The following ARL15 variants were observed in gnomAD, a reference collection of about 807,000 sequenced individuals.
ARL15 encodes ADP-ribosylation factor-like protein 15.
ARL15 carries 19 observed loss-of-function variants against 25.2 expected under a neutral mutation model. The ratio of observed to expected loss-of-function variants is 0.75; its 90% CI spans 0.53 to 1.10. ARL15 has a LOEUF of 1.10. Ranked by LOEUF, ARL15 falls within the 50% of genes least tolerant of loss-of-function variation. The pLI, the probability that ARL15 is intolerant of heterozygous loss-of-function variation, is 0.00. For missense variants in ARL15, 220 were observed against 246.0 expected (o/e 0.89, Z 0.71); for synonymous variants, 94 against 86.8 (o/e 1.08, Z -0.46).
rs1751625747 is a variant in ARL15, at chr5:54,076,826, A to ATGTCTTCC, written c.462+36375_462+36376insGGAAGACA. ...TAATCCCCCAAACTATGTAGAAAAC[A>ATGTCTTCC]TCCATGGAGGAAGACATCAGCGTTA... On this transcript the variant is annotated intron_variant, in intron 4 of 4. Coordinates refer to ENST00000504924, the MANE Select transcript of ARL15 (RefSeq NM_019087.3). Among the ~76,000 whole-genome samples, 6 of 152,090 alleles carry ATGTCTTCC rather than the reference A, an allele frequency of 3.9e-5. No homozygotes were observed. The East Asian group carries it at 1.2e-3, about 29-fold the overall frequency.
chr5:54,304,492 G>A (rs983837669), intron 1 of ARL15, among the ~76,000 whole-genome samples: 2 of 152,200 alleles, frequency 1.3e-5, no homozygotes, highest in African/African-American at 2.4e-5. Context: ...GCAAGCCCCT[G>A]GAGGGCATGA....
At chr5:54,049,260 T>A (rs995670832) in intron 4 of ARL15, among the ~76,000 whole-genome samples, 1 of 152,086 alleles carries the variant, frequency 6.6e-6, no homozygotes, top group Non-Finnish European at 1.5e-5. Flanking sequence ...AAAGACAGGA[T>A]CTTGCTCTGT....
intron 4 of ARL15, among the ~76,000 whole-genome samples, chr5:54,111,603 T>C (rs561084547): frequency 6.6e-6 from 1 of 152,236 alleles, no homozygotes; most frequent in African/African-American, 2.4e-5. Flanking sequence ...AAAATCTTTT[T>C]TCAGATATTG....
chr5:54,129,526 A>G (rs1753370301), intron 3 of ARL15, among the ~76,000 whole-genome samples: 1 of 152,216 alleles, frequency 6.6e-6, no homozygotes, highest in Admixed American at 6.5e-5. Flanking sequence ...AGAGATAATA[A>G]CTATGAAAGA....
chr5:54,058,500 G>A (rs1750958754), intron 4 of ARL15, among the ~76,000 whole-genome samples: 1 of 152,218 alleles, frequency 6.6e-6, no homozygotes, highest in Non-Finnish European at 1.5e-5. Context: ...CATGCAGTGT[G>A]ATAAACAGCA....
intron 4 of ARL15, among the ~76,000 whole-genome samples, chr5:54,063,063 C>T (rs1467258705): frequency 6.6e-6 from 1 of 152,146 alleles, no homozygotes; most frequent in East Asian, 1.9e-4. Context: ...AATCATTCTA[C>T]ATAACTTCAA....
chr5:54,196,222 C>G (rs1424827165), intron 1 of ARL15, among the ~76,000 whole-genome samples: 1 of 152,050 alleles, frequency 6.6e-6, no homozygotes, highest in Non-Finnish European at 1.5e-5. Context: ...CATAGATGAA[C>G]TTACTAAAGC....
rs534023986 is a variant in ARL15, at chr5:54,215,298, T to G, written c.49-43370A>C. ...AACTTTGGAGGCGTAAATCTTAATG[T>G]CAATGACAGGAAGGCTTTGGTGAAC... On this transcript the variant is annotated intron_variant, in intron 1 of 4. Transcript: ENST00000504924. Among the ~76,000 whole-genome samples the G allele has an allele frequency of 7.9e-5, 12 of 152,248 alleles. No homozygotes were observed. In the East Asian group the frequency reaches 2.3e-3, roughly 29 times the overall value.
intron 4 of ARL15, among the ~76,000 whole-genome samples, chr5:54,073,840 T>C (rs1211753495): frequency 1.3e-5 from 2 of 152,198 alleles, no homozygotes; most frequent in Admixed American, 6.5e-5. Context: ...GGTGGGAATG[T>C]AGCAGTACCT....
intron 1 of ARL15, among the ~76,000 whole-genome samples, chr5:54,297,741 T>C (rs1449991934): frequency 6.6e-6 from 1 of 152,190 alleles, no homozygotes; most frequent in Non-Finnish European, 1.5e-5. Context: ...CCATACAACA[T>C]TTATGGTTCA....
chr5:54,091,519 G>A (rs764145438), intron 4 of ARL15, among the ~76,000 whole-genome samples: 1 of 152,120 alleles, frequency 6.6e-6, no homozygotes, highest in Non-Finnish European at 1.5e-5. Context: ...GGTGGGGCAT[G>A]GGGAGGAGGA....
intron 4 of ARL15, among the ~76,000 whole-genome samples, chr5:54,049,603 G>T (rs76584256): frequency 0.057 from 8,598 of 149,764 alleles, 680 homozygotes; most frequent in African/African-American, 0.18. Flanking sequence ...AGGTTTTGTT[G>T]TTGTTGTTGT....
intron 4 of ARL15, among the ~76,000 whole-genome samples, chr5:53,972,993 A>G (rs1015143996): frequency 2.0e-5 from 3 of 152,188 alleles, no homozygotes; most frequent in Non-Finnish European, 4.4e-5. Context: ...TTTTTACTCT[A>G]TCATATCCAG....
chr5:54,231,108 T>A (rs1756658843), intron 1 of ARL15, among the ~76,000 whole-genome samples: 1 of 150,878 alleles, frequency 6.6e-6, no homozygotes, highest in Non-Finnish European at 1.5e-5. Flanking sequence ...GGGGAATGTT[T>A]CCACGTGGAT....
Position 54,303,825 on chromosome 5 carries a change from A to G in ARL15, c.48+6607T>C, listed in dbSNP as rs548463407. Among the ~76,000 whole-genome samples, 91 of 151,344 alleles carry G rather than the reference A, an allele frequency of 6.0e-4. No homozygotes were observed. In the East Asian group the frequency reaches 0.012, roughly 19 times the overall value. ...TTGGGGCAGGTAGGAATGTGCCCCC[A>G]AAAGTGACACTAGGGGGCTGAGTAA... On this transcript the variant is annotated intron_variant, in intron 1 of 4. Transcript: ENST00000504924.
chr5:53,935,020 T>A (rs942737665), intron 4 of ARL15, among the ~76,000 whole-genome samples: 1 of 152,120 alleles, frequency 6.6e-6, no homozygotes, highest in Non-Finnish European at 1.5e-5. Context: ...TTTAGAAATG[T>A]CCTTAATAAA....
At chr5:53,907,114 G>A (rs1288778440) in intron 4 of ARL15, among the ~76,000 whole-genome samples, 1 of 151,926 alleles carries the variant, frequency 6.6e-6, no homozygotes, top group East Asian at 1.9e-4. Context: ...GTTTCATTGA[G>A]GCTAGCAAGA....
chr5:54,172,198 C>T (rs1279631766), intron 1 of ARL15, among the ~76,000 whole-genome samples: 2 of 152,048 alleles, frequency 1.3e-5, no homozygotes, highest in Admixed American at 6.6e-5. Context: ...GACATCATCC[C>T]ACAGCTTGCC....
At chr5:54,064,749 A>G (rs1751166770) in intron 4 of ARL15, among the ~76,000 whole-genome samples, 2 of 152,070 alleles carry the variant, frequency 1.3e-5, no homozygotes, top group South Asian at 4.1e-4. Flanking sequence ...AAAAACATTT[A>G]CTTAGAATAG....
Sources: allele counts gnomAD v4.1 joint callset (sites outside exome capture counted in the v4.1 genomes callset), GRCh38; gene constraint gnomAD v4.1.1; transcripts MANE v1.5; gene names NCBI Gene and HGNC (gene_info 2026-07-23, HGNC 2026-07-21).